Variants in EIF4G3 observed in about 807,000 individuals in gnomAD.
The protein encoded by EIF4G3 is eukaryotic translation initiation factor 4 gamma 3, also known as eIF-4-gamma 3.
A neutral mutation model predicts 186.4 loss-of-function variants in EIF4G3; 34 were observed. The observed-to-expected ratio is 0.18, with a 90% CI of 0.14 to 0.24. The LOEUF (loss-of-function observed/expected upper bound fraction) is 0.24, where lower values mean the gene tolerates loss of function less well. Ranked by LOEUF, EIF4G3 falls within the 10% of genes least tolerant of loss-of-function variation. The pLI, the probability that EIF4G3 is intolerant of heterozygous loss-of-function variation, is 1.00. For missense variants in EIF4G3, 1,536 were observed against 1,948.5 expected, an observed-to-expected ratio of 0.79 and a Z score of 3.99; for synonymous variants, 673 against 679.5, an observed-to-expected ratio of 0.99 and a Z score of 0.15.
At chr1:20,946,133 G>A (rs1349135454) in intron 13 of EIF4G3, among the ~76,000 whole-genome samples, 1 of 152,184 alleles carries the variant, frequency 6.6e-6, no homozygotes, top group East Asian at 1.9e-4. Flanking sequence ...TGAGCATCCT[G>A]CAATTTGAGG....
Position 20,899,934 on chromosome 1 carries a change from C to T in EIF4G3, c.1762G>A (p.Glu588Lys). The T allele has an allele frequency of 6.2e-7, 1 of 1,607,164 alleles. No homozygotes were observed. The highest frequency in any genetic ancestry group is 8.5e-7 in the Non-Finnish European group (1 of 1,178,272). The change falls in exon 16 of 37, where the codon GAA (glutamate) becomes AAA (lysine). Residue 588 changes from glutamate to lysine, a missense_variant. By Grantham distance (56) the Glu-to-Lys change is moderately conservative. Transcript: ENST00000602326. ...MLEAELELKA[E>K]EELSIDKVLE... ...ACTTTGTCAATGGAAAGCTCCTCTT[C>T]AGCTTTAAGCTAAATAATAAATGAA...
intron 20 of EIF4G3, among the ~76,000 whole-genome samples, chr1:20,878,062 T>C (rs1437104103): frequency 6.6e-6 from 1 of 152,164 alleles, no homozygotes; most frequent in Non-Finnish European, 1.5e-5. Context: ...AGACGAAGTT[T>C]CCCCATGTTG....
chr1:21,147,559 C>T (rs1270055360), intron 2 of EIF4G3, among the ~76,000 whole-genome samples: 1 of 151,992 alleles, frequency 6.6e-6, no homozygotes, highest in Admixed American at 6.6e-5. Context: ...TCTCGAACTC[C>T]TGACCTCGTG....
chr1:20,841,155 AAT>A, intron 29 of EIF4G3, 127 bp from the exon 30 acceptor site: 1 of 884,940 alleles, frequency 1.1e-6, no homozygotes, highest in Non-Finnish European at 1.7e-6. Flanking sequence ...ACAGTTTTCA[AAT>A]ATAAGTTTAT....
chr1:21,125,957 A>T (rs1161861021), intron 2 of EIF4G3, among the ~76,000 whole-genome samples: 1 of 151,654 alleles, frequency 6.6e-6, no homozygotes, highest in Non-Finnish European at 1.5e-5. Context: ...TAATCCCAGC[A>T]CTTTGGGAGG....
chr1:21,128,639 T>G (rs1183868063), intron 2 of EIF4G3, among the ~76,000 whole-genome samples: 1 of 152,204 alleles, frequency 6.6e-6, no homozygotes, highest in Non-Finnish European at 1.5e-5. Flanking sequence ...TTCTGTATAA[T>G]GCTCATGGCT....
chr1:21,058,954 A>AAT (rs1553186041), intron 3 of EIF4G3, among the ~76,000 whole-genome samples: 1 of 151,098 alleles, frequency 6.6e-6, no homozygotes, highest in Admixed American at 6.6e-5. Context: ...TGTTAAATAT[A>AAT]ACACACACAC....
At chr1:21,151,768 A>T (rs543027960) in intron 2 of EIF4G3, among the ~76,000 whole-genome samples, 37 of 152,198 alleles carry the variant, frequency 2.4e-4, no homozygotes, top group East Asian at 7.7e-4. Flanking sequence ...AATATATGTT[A>T]AAAAAATCTC....
At chr1:21,157,767 A>T (rs918714713) in intron 2 of EIF4G3, among the ~76,000 whole-genome samples, 12 of 152,182 alleles carry the variant, frequency 7.9e-5, no homozygotes, top group African/African-American at 2.7e-4. Flanking sequence ...TGGTTAGCTT[A>T]ATCTGTAATA....
chr1:20,934,119 C>A (rs141213572), intron 14 of EIF4G3, among the ~76,000 whole-genome samples: 12 of 152,086 alleles, frequency 7.9e-5, no homozygotes, highest in African/African-American at 2.9e-4. Context: ...TTACACTCGA[C>A]CTAACTTAAA....
At chr1:20,957,049 T>C (rs1456508838) in intron 12 of EIF4G3, among the ~76,000 whole-genome samples, 1 of 152,128 alleles carries the variant, frequency 6.6e-6, no homozygotes, top group East Asian at 1.9e-4. Flanking sequence ...ATTGATGAAA[T>C]ATTGTTTTTT....
intron 19 of EIF4G3, among the ~76,000 whole-genome samples, chr1:20,882,996 C>T (rs966453298): frequency 7.3e-5 from 11 of 151,484 alleles, no homozygotes; most frequent in Non-Finnish European, 8.8e-5. Context: ...GAGGGAGGAT[C>T]GCTTGAGCCC....
chr1:20,829,847 T>G (rs1212346983), intron 30 of EIF4G3, among the ~76,000 whole-genome samples: 1 of 152,198 alleles, frequency 6.6e-6, no homozygotes, highest in African/African-American at 2.4e-5. Flanking sequence ...ACAGAAAAGC[T>G]AATGGTTTCA....
At chr1:20,846,494 G>C (rs1228219588) in intron 29 of EIF4G3, among the ~76,000 whole-genome samples, 1 of 152,120 alleles carries the variant, frequency 6.6e-6, no homozygotes, top group African/African-American at 2.4e-5. Flanking sequence ...GATACTTCCT[G>C]TCTTCCCTGA....
intron 2 of EIF4G3, among the ~76,000 whole-genome samples, chr1:21,123,914 G>A (rs368133295): frequency 7.9e-5 from 12 of 152,238 alleles, no homozygotes; most frequent in East Asian, 7.7e-4. Context: ...TCTATCTAGG[G>A]ATCAATTTAG....
chr1:20,900,990 T>C (rs2154556660), intron 15 of EIF4G3, among the ~76,000 whole-genome samples: 1 of 152,290 alleles, frequency 6.6e-6, no homozygotes, highest in Admixed American at 6.5e-5. Context: ...ATATAACAGA[T>C]CATGGTTGAA....
At chr1:20,844,975 A>C (rs1385591751) in intron 29 of EIF4G3, among the ~76,000 whole-genome samples, 2 of 152,192 alleles carry the variant, frequency 1.3e-5, no homozygotes, top group Non-Finnish European at 2.9e-5. Flanking sequence ...CTATAGTTTA[A>C]TTAGATCCCA....
At position 21,018,107 on chromosome 1, in the gene EIF4G3, A is replaced by T. The variant is rs77435234; in HGVS notation, c.-66-15299T>A. On this transcript the variant is annotated intron_variant, in intron 4 of 36. Coordinates refer to ENST00000602326, the MANE Select transcript of EIF4G3 (RefSeq NM_001391906.1). ...GCATGTGCCACCATGCCCAGTAATT[A>T]AAAAAAAAAAAAATCTTTTATAGAG... Among the ~76,000 whole-genome samples the T allele has an allele frequency of 5.6e-5, 8 of 143,592 alleles. No individual in the cohort carries two copies. The South Asian group carries it at 6.6e-4, about 12-fold the overall frequency. 94.2% of individuals were successfully genotyped at this position (143,592 alleles called of 152,430 possible). A position where few individuals can be genotyped will look rare whatever the true frequency, so the allele number is the denominator to read the frequency against.
intron 3 of EIF4G3, among the ~76,000 whole-genome samples, chr1:21,065,843 G>A (rs959361549): frequency 2.6e-5 from 4 of 152,248 alleles, no homozygotes; most frequent in African/African-American, 9.6e-5. Context: ...AAGCCAGTAA[G>A]TGTAAGACAG....
Sources: gnomAD v4.1 joint callset for allele counts (sites outside exome capture counted in the v4.1 genomes callset) on GRCh38, gnomAD v4.1.1 for gene constraint, MANE v1.5 for transcripts, NCBI Gene and HGNC (gene_info 2026-07-23, HGNC 2026-07-21) for gene names.